Variants in PDE1C observed in about 807,000 individuals in gnomAD.
PDE1C encodes phosphodiesterase 1C.
PDE1C carries 62 observed loss-of-function variants against 93.1 expected under a neutral mutation model. The ratio of observed to expected loss-of-function variants is 0.67; its 90% confidence interval spans 0.54 to 0.82. The LOEUF is 0.82. PDE1C is among the 40% of genes least tolerant of loss of function. PDE1C has a pLI of 0.00. For synonymous variants in PDE1C, 325 were observed against 310.1 expected (o/e 1.05, Z -0.50); for missense variants, 742 against 884.6 (o/e 0.84, Z 2.04).
chr7:31,635,550 T>A, the PDE1C span, among the ~76,000 whole-genome samples: 1 of 152,224 alleles, frequency 6.6e-6, no homozygotes, highest in Non-Finnish European at 1.5e-5. Context: ...GTACAGTTAA[T>A]GAAAGGCAAC....
chr7:31,768,812 T>G (rs544224233), intron 17 of PDE1C, among the ~76,000 whole-genome samples: 1 of 152,170 alleles, frequency 6.6e-6, no homozygotes, highest in African/African-American at 2.4e-5. Flanking sequence ...CTTTTTTTTT[T>G]GAATGGAGTG....
At chr7:32,054,612 G>C (rs889686740) in intron 1 of PDE1C, among the ~76,000 whole-genome samples, 6 of 152,126 alleles carry the variant, frequency 3.9e-5, no homozygotes, top group Non-Finnish European at 8.8e-5. Flanking sequence ...TCAAAAGATG[G>C]GTTGTGCATC....
intron 17 of PDE1C, among the ~76,000 whole-genome samples, chr7:31,773,170 G>C (rs546401366): frequency 3.9e-5 from 6 of 152,210 alleles, no homozygotes; most frequent in Non-Finnish European, 8.8e-5. Flanking sequence ...GGTGTTTTGA[G>C]AACTACCCAC....
At chr7:32,334,799 T>C (rs1783583860) in intron 1 of PDE1C, among the ~76,000 whole-genome samples, 1 of 152,150 alleles carries the variant, frequency 6.6e-6, no homozygotes, top group South Asian at 2.1e-4. Context: ...ATAATAAAAT[T>C]TTGGGAGGAC....
chr7:31,656,447 G>C, the PDE1C span: 17 of 921,140 alleles, frequency 1.8e-5, no homozygotes, highest in Non-Finnish European at 2.1e-5. Flanking sequence ...AGTGTTCAAT[G>C]CATGTTGGCT....
chr7:31,816,204 A>T, intron 14 of PDE1C, 50 bp from the exon 15 acceptor site: 1 of 1,550,054 alleles, frequency 6.5e-7, no homozygotes. Flanking sequence ...AAAAGAGGTC[A>T]TGCCGTTAGG....
At chr7:31,983,036 A>C (rs925125763) in intron 2 of PDE1C, among the ~76,000 whole-genome samples, 1 of 152,018 alleles carries the variant, frequency 6.6e-6, no homozygotes, top group Non-Finnish European at 1.5e-5. Flanking sequence ...ATCGTTAGGG[A>C]AATTTCCTTT....
chr7:31,666,378 GATTT>G, the PDE1C span, among the ~76,000 whole-genome samples: 7 of 152,170 alleles, frequency 4.6e-5, no homozygotes, highest in South Asian at 4.2e-4. Context: ...CTTTAAATTA[GATTT>G]ATTATCTTGC....
chr7:32,299,304 C>G (rs1031261439), exon 1 of PDE1C: 49 of 985,548 alleles, frequency 5.0e-5, no homozygotes, highest in Middle Eastern at 5.2e-4. Flanking sequence ...GAGATGTTGC[C>G]GAAGTTTACT....
chr7:32,284,194 A>G (rs866984804), intron 1 of PDE1C, among the ~76,000 whole-genome samples: 1 of 152,240 alleles, frequency 6.6e-6, no homozygotes, highest in South Asian at 2.1e-4. Flanking sequence ...ATTGCAAAAT[A>G]TGCATAATGA....
At chr7:31,680,400 T>C in the PDE1C span, among the ~76,000 whole-genome samples, 17 of 152,314 alleles carry the variant, frequency 1.1e-4, no homozygotes, top group East Asian at 2.9e-3. Context: ...ATCAAGCCTG[T>C]TATGGAGTGA....
intron 2 of PDE1C, among the ~76,000 whole-genome samples, chr7:31,978,832 G>A (rs576579274): frequency 2.0e-5 from 3 of 151,984 alleles, no homozygotes; most frequent in South Asian, 4.2e-4. Context: ...TTCTGGAGGT[G>A]GGGGGAGCCA....
chr7:31,856,092 A>G, intron 7 of PDE1C, among the ~76,000 whole-genome samples: 1 of 152,232 alleles, frequency 6.6e-6, no homozygotes, highest in East Asian at 1.9e-4. Flanking sequence ...TACATTTACA[A>G]AGTATCACTG....
the PDE1C span, among the ~76,000 whole-genome samples, chr7:31,638,464 T>C: frequency 6.6e-6 from 1 of 152,196 alleles, no homozygotes; most frequent in East Asian, 1.9e-4. Context: ...GGTGTTTATG[T>C]TTGTAGACTT....
At chr7:32,046,249 A>G (rs1249071285) in intron 2 of PDE1C, among the ~76,000 whole-genome samples, 1 of 152,044 alleles carries the variant, frequency 6.6e-6, no homozygotes, top group African/African-American at 2.4e-5. Context: ...TCAGCAAAAC[A>G]TACATTTTTA....
At chr7:32,319,168 A>T (rs1025953218) in intron 1 of PDE1C, among the ~76,000 whole-genome samples, 20 of 152,176 alleles carry the variant, frequency 1.3e-4, no homozygotes, top group Admixed American at 1.3e-3. Flanking sequence ...TAAAGAAACT[A>T]AACGTGATCT....
At chr7:31,715,684 ATTC>A in the PDE1C span, among the ~76,000 whole-genome samples, 1 of 152,224 alleles carries the variant, frequency 6.6e-6, no homozygotes, top group African/African-American at 2.4e-5. Flanking sequence ...TGTAACTTTC[ATTC>A]TTCTTGACCT....
the PDE1C span, among the ~76,000 whole-genome samples, chr7:31,699,683 T>G: frequency 6.6e-6 from 1 of 152,086 alleles, no homozygotes; most frequent in Admixed American, 6.6e-5. Flanking sequence ...TAACCCTGCA[T>G]CTAGCAAGTC....
downstream of PDE1C, among the ~76,000 whole-genome samples, chr7:31,750,599 C>G (rs991610323): frequency 1.3e-5 from 2 of 152,224 alleles, no homozygotes; most frequent in Admixed American, 6.5e-5. Context: ...TCTCAATTTA[C>G]AGCTAAAGAA....
Sources: allele counts gnomAD v4.1 joint callset (sites outside exome capture counted in the v4.1 genomes callset), GRCh38; gene constraint gnomAD v4.1.1; transcripts MANE v1.5; gene names NCBI Gene and HGNC (gene_info 2026-07-23, HGNC 2026-07-21).